The following GARIN1A variants were observed in gnomAD, a reference collection of about 807,000 sequenced individuals.
The protein encoded by GARIN1A is Golgi-associated RAB2 interactor protein 1A.
At chr7:128,677,899 T>C in the GARIN1A span, 1 of 1,154,328 alleles carries the variant, frequency 8.7e-7, no homozygotes, top group South Asian at 1.7e-5. Context: ...ATAGACTTGT[T>C]TCCATGTCTT....
At chr7:128,681,270 C>G in the GARIN1A span, among the ~76,000 whole-genome samples, 83 of 152,288 alleles carry the variant, frequency 5.5e-4, no homozygotes, top group African/African-American at 1.9e-3. Flanking sequence ...ATCTTCTTAC[C>G]CTCAGTCTGG....
At chr7:128,677,645 G>T in the GARIN1A span, 6 of 1,613,622 alleles carry the variant, frequency 3.7e-6, no homozygotes, top group African/African-American at 1.3e-5. Flanking sequence ...TGACCGAAAA[G>T]ATCTACTATC....
At chr7:128,677,896 T>C in the GARIN1A span, 7 of 1,182,828 alleles carry the variant, frequency 5.9e-6, no homozygotes, top group East Asian at 1.8e-4. Context: ...TATATAGACT[T>C]GTTTCCATGT....
At chr7:128,700,749 G>T in the GARIN1A span, among the ~76,000 whole-genome samples, 3 of 152,210 alleles carry the variant, frequency 2.0e-5, no homozygotes, top group East Asian at 5.8e-4. Context: ...AGGAAATAAT[G>T]GCCAAGAATT....
chr7:128,702,873 A>G, the GARIN1A span, among the ~76,000 whole-genome samples: 1 of 152,252 alleles, frequency 6.6e-6, no homozygotes, highest in Non-Finnish European at 1.5e-5. Flanking sequence ...TGTAACGCAC[A>G]CCAAAAGAAA....
the GARIN1A span, among the ~76,000 whole-genome samples, chr7:128,694,541 AAAAG>A: frequency 0.35 from 51,900 of 149,934 alleles, 9,039 homozygotes; most frequent in South Asian, 0.45. Context: ...CTCAAAAAAA[AAAAG>A]AAAGAAAGAA....
chr7:128,682,775 C>T, the GARIN1A span, among the ~76,000 whole-genome samples: 1 of 152,144 alleles, frequency 6.6e-6, no homozygotes, highest in African/African-American at 2.4e-5. Context: ...CGGGGTTTCA[C>T]CATGTTGGCC....
chr7:128,680,289 T>C, the GARIN1A span: 14 of 475,648 alleles, frequency 2.9e-5, no homozygotes, highest in African/African-American at 4.0e-5. Context: ...AATTTTATTG[T>C]AAGCCTGCCT....
At chr7:128,682,574 G>C in the GARIN1A span, among the ~76,000 whole-genome samples, 1 of 151,870 alleles carries the variant, frequency 6.6e-6, no homozygotes, top group African/African-American at 2.4e-5. Flanking sequence ...AAGTGAGTTG[G>C]TTTTTTTTGT....
chr7:128,697,713 G>A, the GARIN1A span: 1 of 163,172 alleles, frequency 6.1e-6, no homozygotes, highest in Non-Finnish European at 1.3e-5. Flanking sequence ...CACCCTGAAC[G>A]CGCCCGATCT....
the GARIN1A span, chr7:128,672,519 A>G: frequency 3.1e-6 from 5 of 1,609,838 alleles, no homozygotes; most frequent in South Asian, 2.2e-5. Context: ...TTGTTCTCCA[A>G]CTCGGTGGTG....
At chr7:128,676,437 G>T in the GARIN1A span, among the ~76,000 whole-genome samples, 2 of 142,942 alleles carry the variant, frequency 1.4e-5, no homozygotes, top group Admixed American at 7.1e-5. Flanking sequence ...GTGTGTGTGT[G>T]TAAGTGTGTG....
the GARIN1A span, among the ~76,000 whole-genome samples, chr7:128,694,269 C>T: frequency 3.3e-5 from 5 of 152,170 alleles, no homozygotes; most frequent in South Asian, 2.1e-4. Context: ...TGGTGGCTCA[C>T]GCCTGTAATC....
At chr7:128,673,083 A>T in the GARIN1A span, among the ~76,000 whole-genome samples, 1 of 152,184 alleles carries the variant, frequency 6.6e-6, no homozygotes, top group Non-Finnish European at 1.5e-5. Flanking sequence ...TTTCGTAAGT[A>T]TCAAGTCTTA....
the GARIN1A span, among the ~76,000 whole-genome samples, chr7:128,699,864 C>T: frequency 3.9e-5 from 6 of 152,264 alleles, no homozygotes; most frequent in East Asian, 1.9e-4. Flanking sequence ...CTGTCAATTT[C>T]GCTTTATATA....
the GARIN1A span, among the ~76,000 whole-genome samples, chr7:128,694,840 C>A: frequency 6.6e-6 from 1 of 152,168 alleles, no homozygotes; most frequent in African/African-American, 2.4e-5. Flanking sequence ...TATAGTCACT[C>A]AACTGTGAAT....
the GARIN1A span, chr7:128,693,437 G>C: frequency 1.4e-5 from 2 of 140,718 alleles, no homozygotes; most frequent in African/African-American, 4.9e-5. Context: ...CTGCCACTCT[G>C]TCTGTAGTCA....
At chr7:128,700,279 AT>A in the GARIN1A span, among the ~76,000 whole-genome samples, 1 of 119,474 alleles carries the variant, frequency 8.4e-6, no homozygotes, top group East Asian at 2.3e-4. Context: ...TTTGTTTTGT[AT>A]TTTGTTTTTT....
At chr7:128,692,284 G>A in the GARIN1A span, among the ~76,000 whole-genome samples, 4 of 152,212 alleles carry the variant, frequency 2.6e-5, no homozygotes, top group Non-Finnish European at 4.4e-5. Flanking sequence ...CCCAGTTAAA[G>A]TGTCTATTTC....
Sources: gnomAD v4.1 joint callset for allele counts (sites outside exome capture counted in the v4.1 genomes callset) on GRCh38, gnomAD v4.1.1 for gene constraint, MANE v1.5 for transcripts, NCBI Gene and HGNC (gene_info 2026-07-23, HGNC 2026-07-21) for gene names.